Variants in DLC1 observed in about 807,000 individuals in gnomAD.
DLC1 encodes DLC1 Rho GTPase activating protein.
A neutral mutation model predicts 140.3 loss-of-function variants in DLC1; 54 were observed. The observed-to-expected ratio is 0.38, with a 90% CI of 0.31 to 0.48. The LOEUF (loss-of-function observed/expected upper bound fraction) is 0.48. Ranked by LOEUF, DLC1 falls within the 20% of genes least tolerant of loss-of-function variation. The pLI is 0.96. For synonymous variants in DLC1, 986 were observed against 728.1 expected (o/e 1.35, Z -5.70); for missense variants, 2,536 against 1,907.0 (o/e 1.33, Z -6.14).
rs1334656101 is a variant in DLC1 at position 13,499,097 on chromosome 8, C to T, written c.975G>A (p.Leu325=). 1.9e-6 allele frequency: 3 copies of T among 1,613,750 alleles called. No individual in the cohort carries two copies. In the African/African-American group the frequency reaches 4.0e-5, roughly 22 times the overall value. ...GMQCLQLKET[L]ATQEPTDNQV... ...GGTTATCTGTGGGTTCCTGGGTGGC[C>T]AGGGTCTCCTTTAATTGTAAACACT... Residue 325 remains leucine, a synonymous_variant, in exon 2 of 18, where the codon CTG becomes CTA. Coordinates refer to ENST00000276297, the MANE Select transcript of DLC1 (RefSeq NM_182643.3).
At chr8:13,399,608 G>A (rs538736516) in intron 3 of DLC1, among the ~76,000 whole-genome samples, 35 of 152,254 alleles carry the variant, frequency 2.3e-4, no homozygotes, top group African/African-American at 8.2e-4. Context: ...CACACTCTGA[G>A]TGCCTGGGTA....
chr8:13,162,024 C>T (rs969507610), intron 5 of DLC1, among the ~76,000 whole-genome samples: 3 of 152,112 alleles, frequency 2.0e-5, no homozygotes, highest in African/African-American at 7.2e-5. Flanking sequence ...TTTCAATCAA[C>T]AGAATAAAAG....
chr8:13,303,623 G>C (rs557053646), intron 5 of DLC1, among the ~76,000 whole-genome samples: 24 of 152,092 alleles, frequency 1.6e-4, no homozygotes, highest in Admixed American at 4.6e-4. Flanking sequence ...CCAACATGGC[G>C]AAACCCCATC....
chr8:13,310,514 A>G (rs117097263), intron 4 of DLC1, among the ~76,000 whole-genome samples: 1 of 152,350 alleles, frequency 6.6e-6, no homozygotes, highest in African/African-American at 2.4e-5. Context: ...AGATGAGAGC[A>G]CAAGAGCCCA....
At chr8:13,376,135 G>A (rs1835972431) in intron 4 of DLC1, among the ~76,000 whole-genome samples, 2 of 152,156 alleles carry the variant, frequency 1.3e-5, no homozygotes, top group African/African-American at 4.8e-5. Flanking sequence ...GTTTGGCCAT[G>A]AGAAACTGAT....
intron 5 of DLC1, among the ~76,000 whole-genome samples, chr8:13,226,986 C>T (rs1023252190): frequency 7.9e-5 from 12 of 152,074 alleles, no homozygotes; most frequent in Non-Finnish European, 1.3e-4. Context: ...TAAAAAACTT[C>T]TGCAAAAAAC....
At chr8:13,288,646 C>T (rs1464646294) in intron 5 of DLC1, among the ~76,000 whole-genome samples, 3 of 152,214 alleles carry the variant, frequency 2.0e-5, no homozygotes, top group Non-Finnish European at 4.4e-5. Flanking sequence ...CTATCAGCAT[C>T]CTCAAAGGAT....
chr8:13,279,422 C>G (rs1205930952), intron 5 of DLC1, among the ~76,000 whole-genome samples: 3 of 152,176 alleles, frequency 2.0e-5, no homozygotes, highest in Non-Finnish European at 2.9e-5. Context: ...TAGAATGACC[C>G]ACAGACTTCA....
intron 4 of DLC1, chr8:13,339,601 A>G (rs1238770090): frequency 6.6e-6 from 1 of 152,204 alleles, no homozygotes; most frequent in Non-Finnish European, 1.5e-5. Context: ...CTGTTTTGAA[A>G]TAAGGAGAGT....
intron 5 of DLC1, among the ~76,000 whole-genome samples, chr8:13,243,733 G>A (rs1341329636): frequency 1.3e-5 from 2 of 152,110 alleles, no homozygotes; most frequent in Admixed American, 1.3e-4. Flanking sequence ...CAAGAAAATT[G>A]AGGTCATCAG....
intron 5 of DLC1, among the ~76,000 whole-genome samples, chr8:13,224,929 T>C (rs1309494562): frequency 6.6e-6 from 1 of 152,232 alleles, no homozygotes; most frequent in African/African-American, 2.4e-5. Context: ...TGTAGGAATT[T>C]TCTAGGCAAT....
At chr8:13,279,370 T>A (rs188925514) in intron 5 of DLC1, among the ~76,000 whole-genome samples, 4 of 152,306 alleles carry the variant, frequency 2.6e-5, no homozygotes, top group Admixed American at 2.6e-4. Context: ...TTTCAGTAGG[T>A]GTTAGAAACA....
chr8:13,562,456 G>A (rs7006225), intron 1 of DLC1, among the ~76,000 whole-genome samples: 100,291 of 152,070 alleles, frequency 0.66, 33,207 homozygotes, highest in East Asian at 0.68. Flanking sequence ...TGGCCTTTAT[G>A]CACATGAAAT....
At chr8:13,413,511 TA>T (rs1351976098) in intron 2 of DLC1, among the ~76,000 whole-genome samples, 2 of 151,856 alleles carry the variant, frequency 1.3e-5, no homozygotes, top group Non-Finnish European at 2.9e-5. Context: ...TATATATATA[TA>T]TACACGTATA....
intron 4 of DLC1, among the ~76,000 whole-genome samples, chr8:13,328,785 A>AG (rs1379130086): frequency 7.2e-6 from 1 of 139,522 alleles, no homozygotes; most frequent in Non-Finnish European, 1.7e-5. Context: ...CAGAGGTGAA[A>AG]GGGGAAGACC....
At chr8:13,171,584 A>G (rs1038399473) in intron 5 of DLC1, among the ~76,000 whole-genome samples, 1 of 151,966 alleles carries the variant, frequency 6.6e-6, no homozygotes, top group Non-Finnish European at 1.5e-5. Context: ...TTGTAGAGAA[A>G]CAAGGGTTGT....
chr8:13,122,553 G>C (rs965484047), intron 5 of DLC1, among the ~76,000 whole-genome samples: 1 of 152,052 alleles, frequency 6.6e-6, no homozygotes, highest in Non-Finnish European at 1.5e-5. Context: ...ACGATGACTT[G>C]AATCTCTTAC....
chr8:13,236,690 A>G (rs1829297358), intron 5 of DLC1, among the ~76,000 whole-genome samples: 1 of 152,150 alleles, frequency 6.6e-6, no homozygotes, highest in Non-Finnish European at 1.5e-5. Flanking sequence ...CCAAAAAAAT[A>G]AATTAGGGCC....
chr8:13,198,406 C>T (rs181385051), intron 5 of DLC1, among the ~76,000 whole-genome samples: 3 of 152,244 alleles, frequency 2.0e-5, no homozygotes, highest in South Asian at 4.2e-4. Flanking sequence ...CAAAAGCTCT[C>T]GATCTTCTCT....
Sources: gnomAD v4.1 joint callset for allele counts (sites outside exome capture counted in the v4.1 genomes callset) on GRCh38, gnomAD v4.1.1 for gene constraint, MANE v1.5 for transcripts, NCBI Gene and HGNC (gene_info 2026-07-23, HGNC 2026-07-21) for gene names.